Variants in EBF1 observed in about 807,000 individuals in gnomAD.
EBF1 encodes transcription factor COE1.
Under a neutral mutation model 68.4 loss-of-function variants are expected in EBF1, and 10 were observed. The observed-to-expected ratio is 0.15, with a 90% CI of 0.09 to 0.25. The LOEUF is 0.25. EBF1 is among the 10% of genes least tolerant of loss of function. The probability of loss-of-function intolerance (pLI) is 1.00; values close to 1 mark genes in which losing one functional copy is unlikely to be tolerated. For missense variants in EBF1, 509 were observed against 794.4 expected (o/e 0.64, Z 4.32); for synonymous variants, 298 against 299.8 (o/e 0.99, Z 0.06).
At chr5:158,932,027 C>G (rs1186409508) in intron 6 of EBF1, among the ~76,000 whole-genome samples, 1 of 152,116 alleles carries the variant, frequency 6.6e-6, no homozygotes, top group Non-Finnish European at 1.5e-5. Context: ...GCACTCAGCA[C>G]CAGTATGGAT....
chr5:159,067,255 A>T (rs371964401), intron 6 of EBF1, among the ~76,000 whole-genome samples: 5 of 152,134 alleles, frequency 3.3e-5, no homozygotes, highest in African/African-American at 1.2e-4. Context: ...CTAATGGGAC[A>T]CACAGAGGAC....
chr5:158,736,098 T>C (rs759731895), intron 10 of EBF1, among the ~76,000 whole-genome samples: 10 of 152,342 alleles, frequency 6.6e-5, no homozygotes, highest in Admixed American at 4.6e-4. Flanking sequence ...CTCTTTTTCT[T>C]TCTTAAAGAA....
intron 9 of EBF1, among the ~76,000 whole-genome samples, chr5:158,786,088 T>C (rs1343496642): frequency 6.6e-6 from 1 of 152,090 alleles, no homozygotes; most frequent in Non-Finnish European, 1.5e-5. Flanking sequence ...AAGTTTCTTA[T>C]GAATCTACAA....
chr5:159,045,361 C>T (rs1346403934), intron 6 of EBF1, among the ~76,000 whole-genome samples: 1 of 151,996 alleles, frequency 6.6e-6, no homozygotes, highest in Non-Finnish European at 1.5e-5. Flanking sequence ...CTCCCTCCCT[C>T]CTTTTTTCTC....
chr5:159,069,724 A>C (rs1185202347), intron 6 of EBF1, among the ~76,000 whole-genome samples: 1 of 152,140 alleles, frequency 6.6e-6, no homozygotes, highest in Non-Finnish European at 1.5e-5. Flanking sequence ...GATTCTTACA[A>C]AGTAAACCTA....
chr5:158,920,153 A>ATGTG (rs139876400), intron 6 of EBF1, among the ~76,000 whole-genome samples: 4 of 151,142 alleles, frequency 2.6e-5, no homozygotes, highest in African/African-American at 4.9e-5. Flanking sequence ...TTATATACAT[A>ATGTG]TGTGTGTGTG....
intron 6 of EBF1, among the ~76,000 whole-genome samples, chr5:158,844,520 A>C (rs1288452171): frequency 6.6e-6 from 1 of 152,222 alleles, no homozygotes; most frequent in Non-Finnish European, 1.5e-5. Context: ...AAGTGATCTT[A>C]ATCATCACTT....
chr5:158,958,062 C>A (rs967327034), intron 6 of EBF1, among the ~76,000 whole-genome samples: 1 of 152,194 alleles, frequency 6.6e-6, no homozygotes, highest in Non-Finnish European at 1.5e-5. Flanking sequence ...CAGTCAGCTG[C>A]CCCTCCCCCT....
At chr5:158,714,936 C>T (rs1421146374) in intron 11 of EBF1, among the ~76,000 whole-genome samples, 1 of 151,970 alleles carries the variant, frequency 6.6e-6, no homozygotes, top group East Asian at 1.9e-4. Context: ...CCTCTTTTTA[C>T]TTAGGTGGAC....
chr5:158,830,981 G>A (rs573242123), intron 7 of EBF1, among the ~76,000 whole-genome samples: 1 of 152,274 alleles, frequency 6.6e-6, no homozygotes. Context: ...AGATACATGT[G>A]CTAAGCTAAT....
intron 6 of EBF1, among the ~76,000 whole-genome samples, chr5:158,866,454 CATTT>C (rs1348551809): frequency 6.6e-6 from 1 of 152,112 alleles, no homozygotes; most frequent in Admixed American, 6.5e-5. Flanking sequence ...ACTGTCCAAA[CATTT>C]ATTAAAACAT....
intron 6 of EBF1, among the ~76,000 whole-genome samples, chr5:158,851,375 A>C (rs1792617379): frequency 9.0e-6 from 1 of 110,918 alleles, no homozygotes; most frequent in Non-Finnish European, 1.8e-5. Flanking sequence ...AAGGAAAGGG[A>C]AGGGAAGGGG....
intron 6 of EBF1, among the ~76,000 whole-genome samples, chr5:158,917,576 T>C (rs1392031233): frequency 6.6e-6 from 1 of 152,208 alleles, no homozygotes; most frequent in Non-Finnish European, 1.5e-5. Flanking sequence ...TTCATGTGTG[T>C]TAGGAAAGAA....
intron 10 of EBF1, among the ~76,000 whole-genome samples, chr5:158,745,279 T>C (rs756931112): frequency 1.3e-5 from 2 of 152,170 alleles, no homozygotes; most frequent in Admixed American, 6.5e-5. Context: ...GCTCGTGAGA[T>C]GGTGGAAACC....
At chr5:158,702,229 G>C (rs531525351) in intron 15 of EBF1, among the ~76,000 whole-genome samples, 1 of 152,270 alleles carries the variant, frequency 6.6e-6, no homozygotes, top group African/African-American at 2.4e-5. Flanking sequence ...TGAGTTTTAG[G>C]AGTTGTTTTT....
At chr5:158,906,459 G>T (rs1007323663) in intron 6 of EBF1, among the ~76,000 whole-genome samples, 2 of 152,072 alleles carry the variant, frequency 1.3e-5, no homozygotes, top group African/African-American at 4.8e-5. Flanking sequence ...ACAACAAAAA[G>T]GTGCTGTCAC....
At chr5:158,943,998 C>A (rs549075956) in intron 6 of EBF1, among the ~76,000 whole-genome samples, 1 of 152,194 alleles carries the variant, frequency 6.6e-6, no homozygotes. Context: ...CATCAAAGCA[C>A]TCCAAGCAGC....
intron 6 of EBF1, among the ~76,000 whole-genome samples, chr5:158,888,314 T>C (rs905510885): frequency 6.6e-6 from 1 of 152,116 alleles, no homozygotes; most frequent in Non-Finnish European, 1.5e-5. Flanking sequence ...GTGGAATCAA[T>C]GTCTGACTTA....
chr5:158,810,161 G>T (rs1582095899), intron 8 of EBF1, among the ~76,000 whole-genome samples: 1 of 152,126 alleles, frequency 6.6e-6, no homozygotes, highest in Non-Finnish European at 1.5e-5. Context: ...GGCAAAGAAA[G>T]ACCAAAGATA....
Sources: allele counts gnomAD v4.1 joint callset (sites outside exome capture counted in the v4.1 genomes callset), GRCh38; gene constraint gnomAD v4.1.1; transcripts MANE v1.5; gene names NCBI Gene and HGNC (gene_info 2026-07-23, HGNC 2026-07-21).